Variants in XYLB observed in about 807,000 individuals in gnomAD.
XYLB encodes the protein xylulose kinase.
A neutral mutation model predicts 78.7 loss-of-function variants in XYLB; 62 were observed. That is an observed-to-expected ratio of 0.79 (90% CI 0.64 to 0.97). XYLB has a LOEUF of 0.97. XYLB is among the 50% of genes least tolerant of loss of function. The pLI is 0.00. For synonymous variants in XYLB, 245 were observed against 247.4 expected (o/e 0.99, Z 0.09); for missense variants, 687 against 676.8 (o/e 1.02, Z -0.17).
chr3:38,427,771 T>G, the XYLB span, among the ~76,000 whole-genome samples: 1 of 152,164 alleles, frequency 6.6e-6, no homozygotes. Flanking sequence ...TTTTGTATTT[T>G]TAGTAGAGAC....
downstream of XYLB, among the ~76,000 whole-genome samples, chr3:38,424,538 A>G (rs1709063454): frequency 6.6e-6 from 1 of 152,214 alleles, no homozygotes; most frequent in African/African-American, 2.4e-5. Context: ...AAACGAATTG[A>G]AGGTGCGGAA....
the XYLB span, among the ~76,000 whole-genome samples, chr3:38,440,378 A>T: frequency 1.3e-5 from 2 of 152,246 alleles, no homozygotes; most frequent in Non-Finnish European, 2.9e-5. Context: ...GGCTGAGTGC[A>T]AACAGCTCAC....
At chr3:38,381,644 C>T (rs754370644) in intron 15 of XYLB, among the ~76,000 whole-genome samples, 1 of 152,144 alleles carries the variant, frequency 6.6e-6, no homozygotes, top group Non-Finnish European at 1.5e-5. Flanking sequence ...AACTGGCCCC[C>T]CTGGGCGTAG....
rs1708660887 is a variant in XYLB, at chr3:38,413,013, A to G, written c.1611A>G (p.Ter537TrpextTer56). Residue 537 changes from the stop codon to tryptophan (W), a stop_lost, in exon 19 of 19, where the codon TGA becomes TGG. Transcript: ENST00000207870. The stretch of plus-strand genomic sequence containing the variant: ...CTCAGACCCGGGGGCCTCCGGAGTG[A>G]ACAGGCATCCCTGTTGCCCCTGCCT... ...ILSQTRGPPE[*>W] 3.1e-6 allele frequency: 5 copies of G among 1,596,012 alleles called. No homozygotes were observed. The highest frequency in any genetic ancestry group is 3.4e-6 in the Non-Finnish European group (4 of 1,174,652).
In XYLB at chr3:38,372,510, A is replaced by T. The variant is rs542602378; in HGVS notation, c.766-145A>T. On this transcript the variant is annotated intron_variant, in intron 9 of 18. Coordinates refer to ENST00000207870, the MANE Select transcript of XYLB (RefSeq NM_005108.4). Reference sequence around the variant, plus strand: ...CATGCCCAGTTTGTGACAGGAAGTGATGTGACTCCAGGCTCTGCAAAAGAT... The same window carrying T: ...CATGCCCAGTTTGTGACAGGAAGTGTTGTGACTCCAGGCTCTGCAAAAGAT... The T allele has an allele frequency of 1.2e-5, 18 of 1,481,660 alleles. No individual in the cohort carries two copies. The African/African-American group carries it at 2.4e-4, about 19-fold the overall frequency. The allele number at this position is 1,481,660 out of a possible 1,614,324, so 91.8% of individuals were successfully genotyped here. A position where few individuals can be genotyped will look rare whatever the true frequency, so the allele number is the denominator to read the frequency against.
intron 2 of XYLB, among the ~76,000 whole-genome samples, chr3:38,350,647 G>A (rs569003208): frequency 6.6e-6 from 1 of 152,020 alleles, no homozygotes; most frequent in South Asian, 2.1e-4. Flanking sequence ...GTTTCCTCAA[G>A]TGGAAACTTA....
In XYLB at chr3:38,366,858, C is replaced by T. The variant is rs1031316915; in HGVS notation, c.558C>T (p.Ala186=). The T allele has an allele frequency of 1.9e-6, 3 of 1,612,206 alleles. No individual in the cohort carries two copies. The highest frequency in any genetic ancestry group is 1.3e-5 in the African/African-American group (1 of 74,874). Residue 186 remains alanine (A), a synonymous_variant, in exon 7 of 19, where the codon GCC becomes GCT. Coordinates refer to ENST00000207870, the MANE Select transcript of XYLB (RefSeq NM_005108.4). The part of the protein sequence containing the change: ...IAKIYQQNPE[A]YSHTERISLV... ...AAATTTACCAGCAGAACCCCGAGGC[C>T]TACTCACATACGGAGGTTGGTTAAA...
downstream of XYLB, chr3:38,421,288 C>T (rs935881255): frequency 1.3e-5 from 2 of 152,362 alleles, no homozygotes; most frequent in Non-Finnish European, 2.9e-5. Context: ...GAACCTGGGT[C>T]GAATAGTCGC....
intron 2 of XYLB, among the ~76,000 whole-genome samples, chr3:38,359,103 A>G (rs767179063): frequency 2.8e-4 from 43 of 152,264 alleles, no homozygotes; most frequent in Non-Finnish European, 5.0e-4. Context: ...TTGCCCACAT[A>G]TTTATTGACA....
chr3:38,368,380 A>G, intron 8 of XYLB, 123 bp downstream of exon 8: 1 of 835,784 alleles, frequency 1.2e-6, no homozygotes, highest in Non-Finnish European at 2.0e-6. Context: ...ATCTGTTGCC[A>G]GGAAGGAAGT....
chr3:38,355,966 T>G, intron 2 of XYLB: 1 of 585,432 alleles, frequency 1.7e-6, no homozygotes, highest in Non-Finnish European at 3.0e-6. Context: ...AAGAAAATAC[T>G]GGGGCCAGGT....
At chr3:38,375,023 T>A in intron 11 of XYLB, 121 bp from the exon 12 acceptor site, 1 of 774,366 alleles carries the variant, frequency 1.3e-6, no homozygotes, top group Non-Finnish European at 2.1e-6. Context: ...GCCTTGCATC[T>A]GAGGTCTGCA....
chr3:38,435,052 C>G, the XYLB span, among the ~76,000 whole-genome samples: 23 of 152,102 alleles, frequency 1.5e-4, no homozygotes, highest in Non-Finnish European at 3.2e-4. Flanking sequence ...CTGAGAATCA[C>G]TTGAACCCAG....
At position 38,412,997 on chromosome 3, in the gene XYLB, G is replaced by C. The variant is rs368027581; in HGVS notation, c.1595G>C (p.Arg532Pro). ...GAGCAGAGAATCTTGTCTCAGACCC[G>C]GGGGCCTCCGGAGTGAACAGGCATC... ...KLEQRILSQT[R>P]GPPE Residue 532 changes from arginine to proline, a missense_variant, in exon 19 of 19, where the codon CGG becomes CCG. Arg to Pro is a moderately radical substitution (Grantham distance 103). Transcript: ENST00000207870. 2 of 1,599,760 alleles carry C rather than the reference G, an allele frequency of 1.3e-6. No individual in the cohort carries two copies. The highest frequency in any genetic ancestry group is 1.1e-5 in the South Asian group (1 of 88,444).
At chr3:38,404,759 G>A (rs1261485511) in intron 18 of XYLB, among the ~76,000 whole-genome samples, 1 of 152,206 alleles carries the variant, frequency 6.6e-6, no homozygotes, top group Non-Finnish European at 1.5e-5. Flanking sequence ...CCAGGAGGTG[G>A]AAGCTTCAGT....
chr3:38,350,595 T>G (rs1705304715), intron 2 of XYLB, among the ~76,000 whole-genome samples: 1 of 152,096 alleles, frequency 6.6e-6, no homozygotes, highest in Non-Finnish European at 1.5e-5. Context: ...ATTACTTAGT[T>G]TCTTCTGCTT....
At chr3:38,374,554 C>T (rs765026153) in intron 11 of XYLB, 52 bp downstream of exon 11, 2 of 1,612,028 alleles carry the variant, frequency 1.2e-6, no homozygotes. Context: ...CACTCACACC[C>T]ACACTCTGAT....
At chr3:38,394,173 A>C (rs1226896633) in intron 15 of XYLB, among the ~76,000 whole-genome samples, 2 of 152,190 alleles carry the variant, frequency 1.3e-5, no homozygotes, top group Non-Finnish European at 2.9e-5. Flanking sequence ...AATATCTTTT[A>C]ATTTATTTAG....
Position 38,372,657 on chromosome 3 carries a change from A to G in XYLB, c.768A>G (p.Gly256=), listed in dbSNP as rs747410915. The G allele has an allele frequency of 1.9e-5, 31 of 1,613,912 alleles. No individual in the cohort carries two copies. In the East Asian group the frequency reaches 6.5e-4, roughly 34 times the overall value. The part of the protein sequence containing the change: ...SPPVPSCSVV[G]AISSYYVQRY... The stretch of plus-strand genomic sequence containing the variant: ...TTTGCTTTGTCCCCGTCCCTCAGGG[A>G]GCCATTTCTTCCTACTACGTCCAGC... The change falls in exon 10 of 19, where the codon GGA becomes GGG. Residue 256 remains glycine (G), a splice_region_variant and synonymous_variant. Coordinates refer to ENST00000207870, the MANE Select transcript of XYLB (RefSeq NM_005108.4).
Sources: gnomAD v4.1 joint callset for allele counts (sites outside exome capture counted in the v4.1 genomes callset) on GRCh38, gnomAD v4.1.1 for gene constraint, MANE v1.5 for transcripts, NCBI Gene and HGNC (gene_info 2026-07-23, HGNC 2026-07-21) for gene names.